The following SGMS1 variants were observed in gnomAD, a reference collection of about 807,000 sequenced individuals.
SGMS1 encodes the protein sphingomyelin synthase 1, also known as phosphatidylcholine:ceramide cholinephosphotransferase 1.
Under a neutral mutation model 46.2 loss-of-function variants are expected in SGMS1, and 13 were observed. The observed-to-expected ratio is 0.28, with a 90% CI of 0.18 to 0.45. SGMS1 has a LOEUF of 0.45. Among genes scored for constraint, SGMS1 ranks in the 20% least tolerant of loss-of-function variants. The pLI, the probability that SGMS1 is intolerant of heterozygous loss-of-function variation, is 1.00. For synonymous variants in SGMS1, 203 were observed against 187.8 expected (o/e 1.08, Z -0.66); for missense variants, 324 against 519.9 (o/e 0.62, Z 3.66).
chr10:50,612,541 G>A (rs1184372581), intron 1 of SGMS1, among the ~76,000 whole-genome samples: 1 of 152,066 alleles, frequency 6.6e-6, no homozygotes, highest in Non-Finnish European at 1.5e-5. Flanking sequence ...ACAAATGAAA[G>A]GGGAATTTCA....
At chr10:50,618,193 G>A (rs774574781) in intron 1 of SGMS1, among the ~76,000 whole-genome samples, 2 of 152,116 alleles carry the variant, frequency 1.3e-5, no homozygotes, top group Non-Finnish European at 2.9e-5. Flanking sequence ...AGATTCCTTT[G>A]TTTTCCCATA....
At chr10:50,420,473 G>A (rs1207306162) in intron 6 of SGMS1, among the ~76,000 whole-genome samples, 1 of 152,188 alleles carries the variant, frequency 6.6e-6, no homozygotes, top group Admixed American at 6.5e-5. Flanking sequence ...AAATGTCAAA[G>A]TCGAGCATGC....
At chr10:50,530,607 C>G (rs1158317281) in intron 2 of SGMS1, among the ~76,000 whole-genome samples, 3 of 152,118 alleles carry the variant, frequency 2.0e-5, no homozygotes, top group Non-Finnish European at 2.9e-5. Flanking sequence ...GCCTCAGCCT[C>G]CCAAGTAGCT....
chr10:50,478,854 G>C (rs1837451540), intron 3 of SGMS1, among the ~76,000 whole-genome samples: 1 of 152,044 alleles, frequency 6.6e-6, no homozygotes, highest in Non-Finnish European at 1.5e-5. Flanking sequence ...TGCCCCTGTT[G>C]TAACCACATA....
intron 1 of SGMS1, among the ~76,000 whole-genome samples, chr10:50,593,312 C>T (rs555062844): frequency 6.6e-6 from 1 of 152,278 alleles, no homozygotes; most frequent in East Asian, 1.9e-4. Context: ...GAGTCAGAAC[C>T]ACCCTGCTTA....
intron 5 of SGMS1, among the ~76,000 whole-genome samples, chr10:50,452,466 A>G (rs528937260): frequency 5.3e-5 from 8 of 152,328 alleles, no homozygotes; most frequent in Middle Eastern, 3.4e-3. Flanking sequence ...AGAATGATAC[A>G]CTAGATACCT....
At chr10:50,612,918 A>C (rs1306210791) in intron 1 of SGMS1, among the ~76,000 whole-genome samples, 4 of 152,238 alleles carry the variant, frequency 2.6e-5, no homozygotes, top group African/African-American at 9.6e-5. Context: ...CATGCTGGCC[A>C]GGCTGATCTC....
intron 8 of SGMS1, among the ~76,000 whole-genome samples, chr10:50,321,722 T>C (rs1847448931): frequency 6.6e-6 from 1 of 152,162 alleles, no homozygotes; most frequent in Non-Finnish European, 1.5e-5. Flanking sequence ...GAAATACTGA[T>C]AAGGTTAGCA....
chr10:50,307,395 A>G lies in SGMS1; in HGVS notation c.1063-74T>C. 1 of 1,423,490 alleles carries G rather than the reference A, an allele frequency of 7.0e-7. No homozygotes were observed. The highest frequency in any genetic ancestry group is 2.3e-5 in the East Asian group (1 of 42,758). The allele number at this position is 1,423,490 out of a possible 1,614,324, so 88.2% of individuals were successfully genotyped here. A position where few individuals can be genotyped will look rare whatever the true frequency, so the allele number is the denominator to read the frequency against. ...AAGTTCAAATACTTGCCACGCTAAAATTCCCAAAGGACTCCATACCTGCCC... is the reference window on the plus strand; with the variant it reads ...AAGTTCAAATACTTGCCACGCTAAAGTTCCCAAAGGACTCCATACCTGCCC... On this transcript the variant is annotated intron_variant, in intron 10 of 10. Transcript: ENST00000361781. The surrounding 1 kb of genome is among the most constrained non-coding windows in gnomAD (Gnocchi z 4.2).
chr10:50,351,319 G>C (rs1296813818), intron 6 of SGMS1, among the ~76,000 whole-genome samples: 1 of 152,206 alleles, frequency 6.6e-6, no homozygotes, highest in East Asian at 1.9e-4. Context: ...ATAGGCAGAA[G>C]GGACTTGTCT....
At chr10:50,352,608 T>G (rs947357023) in intron 6 of SGMS1, among the ~76,000 whole-genome samples, 11 of 152,236 alleles carry the variant, frequency 7.2e-5, no homozygotes, top group African/African-American at 2.2e-4. Flanking sequence ...GCAGTGAGAT[T>G]GTGATTGGTC....
chr10:50,596,749 G>T (rs1838598638), intron 1 of SGMS1, among the ~76,000 whole-genome samples: 2 of 152,184 alleles, frequency 1.3e-5, no homozygotes, highest in African/African-American at 4.8e-5. Flanking sequence ...TACATCATGA[G>T]CCAGATCTCC....
chr10:50,368,085 C>G (rs1367458867), intron 6 of SGMS1, among the ~76,000 whole-genome samples: 4 of 152,182 alleles, frequency 2.6e-5, no homozygotes, highest in African/African-American at 9.6e-5. Flanking sequence ...GAACTAGAAC[C>G]CCTGTTTTCT....
chr10:50,428,334 C>G (rs1849357120), intron 6 of SGMS1, among the ~76,000 whole-genome samples: 1 of 152,152 alleles, frequency 6.6e-6, no homozygotes, highest in Admixed American at 6.5e-5. Context: ...AGAAATGACA[C>G]AAATTATTGT....
rs142578501 is a variant in SGMS1 at position 50,360,626 on chromosome 10, G to A, written c.-231-16281C>T. On this transcript the variant is annotated intron_variant, in intron 6 of 10. Coordinates refer to ENST00000361781, the MANE Select transcript of SGMS1 (RefSeq NM_147156.4). The stretch of plus-strand genomic sequence containing the variant: ...TAGTTAATCTGTAGAACTTGGACAC[G>A]GATTCACTCCAGCAGTACTCAAGAA... Among the ~76,000 whole-genome samples the A allele has an allele frequency of 4.6e-5, 7 of 152,216 alleles. No homozygotes were observed. In the East Asian group the frequency reaches 1.3e-3, roughly 29 times the overall value.
intron 3 of SGMS1, among the ~76,000 whole-genome samples, chr10:50,479,483 A>G (rs1447049033): frequency 6.6e-6 from 1 of 152,198 alleles, no homozygotes; most frequent in Non-Finnish European, 1.5e-5. Flanking sequence ...ATTGGAGATT[A>G]ACTGTCGAGT....
At chr10:50,624,494 GA>G (rs56052001), upstream of SGMS1, 125,163 of 686,082 alleles carry the variant, frequency 0.18, 12,542 homozygotes, top group Non-Finnish European at 0.2. Context: ...TCCCACAACA[GA>G]AAAAAAAAGC....
intron 8 of SGMS1, among the ~76,000 whole-genome samples, chr10:50,318,158 C>T (rs949347365): frequency 1.3e-5 from 2 of 152,134 alleles, no homozygotes; most frequent in Non-Finnish European, 2.9e-5. Context: ...CCATTTTCTG[C>T]CTTCTCTCTT....
intron 6 of SGMS1, among the ~76,000 whole-genome samples, chr10:50,384,501 C>T (rs1848653747): frequency 1.3e-5 from 2 of 151,260 alleles, no homozygotes; most frequent in South Asian, 4.2e-4. Context: ...TGCTTGCCTT[C>T]CTTTCTCTTT....
Sources: allele counts gnomAD v4.1 joint callset (sites outside exome capture counted in the v4.1 genomes callset), GRCh38; gene constraint gnomAD v4.1.1; non-coding constraint Gnocchi (gnomAD v3.1); transcripts MANE v1.5; gene names NCBI Gene and HGNC (gene_info 2026-07-23, HGNC 2026-07-21).